BLTP2: variants seen among roughly 807,000 people sequenced by gnomAD.
BLTP2 encodes bridge-like lipid transfer protein family member 2.
At chr17:28,630,790 C>G in the BLTP2 span, among the ~76,000 whole-genome samples, 2 of 152,108 alleles carry the variant, frequency 1.3e-5, no homozygotes, top group Non-Finnish European at 2.9e-5. Flanking sequence ...AGCCCTCCCC[C>G]ACTGTATTTT....
chr17:28,629,084 ATTTT>A, the BLTP2 span, among the ~76,000 whole-genome samples: 1 of 150,288 alleles, frequency 6.7e-6, no homozygotes, highest in African/African-American at 2.4e-5. Context: ...TTCCTCTAAA[ATTTT>A]TTTTTTAAGA....
At chr17:28,615,092 T>C in the BLTP2 span, 1 of 1,613,916 alleles carries the variant, frequency 6.2e-7, no homozygotes, top group Non-Finnish European at 8.5e-7. Flanking sequence ...GATGGACTTC[T>C]TGCCAGGGTT....
the BLTP2 span, chr17:28,633,321 G>C: frequency 6.2e-7 from 1 of 1,613,822 alleles, no homozygotes; most frequent in Non-Finnish European, 8.5e-7. Flanking sequence ...AGTCACCCTT[G>C]AACACAAACT....
the BLTP2 span, chr17:28,628,257 G>C: frequency 6.2e-7 from 1 of 1,612,496 alleles, no homozygotes; most frequent in African/African-American, 1.3e-5. Flanking sequence ...TCATCTCCCC[G>C]AGCTTACCTC....
At chr17:28,643,303 A>G in the BLTP2 span, 1 of 1,614,156 alleles carries the variant, frequency 6.2e-7, no homozygotes, top group Non-Finnish European at 8.5e-7. Flanking sequence ...GCACAATGCC[A>G]CATAGTGTCT....
chr17:28,636,976 G>A, the BLTP2 span: 71 of 1,613,832 alleles, frequency 4.4e-5, no homozygotes, highest in Middle Eastern at 1.7e-4. Context: ...TCCAGAGAGC[G>A]GATGCTGCTG....
At chr17:28,638,776 AG>A in the BLTP2 span, 3 of 621,610 alleles carry the variant, frequency 4.8e-6, no homozygotes, top group South Asian at 6.4e-5. Flanking sequence ...AGACACACCT[AG>A]AAGATAAAAG....
the BLTP2 span, chr17:28,645,080 T>TGGCCCCGGCCC: frequency 6.4e-7 from 1 of 1,565,824 alleles, no homozygotes. Flanking sequence ...CGGCCCGGCT[T>TGGCCCCGGCCC]GGCCCCGGCC....
At chr17:28,622,824 C>T in the BLTP2 span, among the ~76,000 whole-genome samples, 1 of 152,226 alleles carries the variant, frequency 6.6e-6, no homozygotes, top group Non-Finnish European at 1.5e-5. Context: ...CGCCTGTAAT[C>T]CCAGCACTTT....
chr17:28,623,821 T>G, the BLTP2 span: 1 of 1,614,096 alleles, frequency 6.2e-7, no homozygotes, highest in Non-Finnish European at 8.5e-7. Context: ...GGCAAAGTAC[T>G]GCATGCCATC....
chr17:28,631,837 T>A, the BLTP2 span: 3 of 1,614,088 alleles, frequency 1.9e-6, no homozygotes, highest in Non-Finnish European at 2.5e-6. Flanking sequence ...TATAAGCCGC[T>A]GAGTCCCCCG....
the BLTP2 span, among the ~76,000 whole-genome samples, chr17:28,625,588 C>G: frequency 6.4e-4 from 97 of 152,106 alleles, no homozygotes; most frequent in African/African-American, 2.2e-3. Context: ...GTCTCAGGCT[C>G]TATTTCTGAT....
At chr17:28,627,041 G>C in the BLTP2 span, among the ~76,000 whole-genome samples, 1 of 152,188 alleles carries the variant, frequency 6.6e-6, no homozygotes, top group Non-Finnish European at 1.5e-5. Context: ...TGGGTAGATA[G>C]TGTCAGAATT....
At chr17:28,641,757 C>T in the BLTP2 span, 2 of 810,430 alleles carry the variant, frequency 2.5e-6, no homozygotes, top group South Asian at 1.8e-5. Flanking sequence ...TTTCCTCTAA[C>T]TATCCTTAGG....
At chr17:28,624,127 A>C in the BLTP2 span, 2 of 1,444,692 alleles carry the variant, frequency 1.4e-6, no homozygotes, top group African/African-American at 2.8e-5. Context: ...GAGAAGGCCA[A>C]ATTTTTTGGA....
At chr17:28,635,589 C>T in the BLTP2 span, 1 of 1,613,410 alleles carries the variant, frequency 6.2e-7, no homozygotes, top group Non-Finnish European at 8.5e-7. Context: ...AAAGTAAGGT[C>T]AGCCCTGCAC....
chr17:28,619,352 T>C, the BLTP2 span, among the ~76,000 whole-genome samples: 1 of 151,956 alleles, frequency 6.6e-6, no homozygotes, highest in Admixed American at 6.6e-5. Flanking sequence ...CAGCTGGGTG[T>C]GGTAATCCCA....
chr17:28,633,073 T>C, the BLTP2 span: 1 of 1,593,416 alleles, frequency 6.3e-7, no homozygotes, highest in Non-Finnish European at 8.6e-7. Context: ...AGTGACACTA[T>C]GGTGATCATG....
the BLTP2 span, chr17:28,618,974 G>T: frequency 3.1e-6 from 5 of 1,611,686 alleles, no homozygotes; most frequent in Middle Eastern, 1.7e-4. Flanking sequence ...TAAAACACCT[G>T]TAAGTGGACA....
Sources: allele counts gnomAD v4.1 joint callset (sites outside exome capture counted in the v4.1 genomes callset), GRCh38; gene constraint gnomAD v4.1.1; transcripts MANE v1.5; gene names NCBI Gene and HGNC (gene_info 2026-07-23, HGNC 2026-07-21).